Variants in PCDHA11 observed in about 807,000 individuals in gnomAD.
The protein encoded by PCDHA11 is protocadherin alpha 11.
PCDHA11 carries 61 observed loss-of-function variants against 70.3 expected under a neutral mutation model. The ratio of observed to expected loss-of-function variants is 0.87; its 90% CI spans 0.71 to 1.07. The LOEUF (loss-of-function observed/expected upper bound fraction) is 1.07, where lower values mean the gene tolerates loss of function less well. PCDHA11 is among the 50% of genes least tolerant of loss of function. The pLI, the probability that PCDHA11 is intolerant of heterozygous loss-of-function variation, is 0.00. For synonymous variants in PCDHA11, 633 were observed against 555.1 expected, an observed-to-expected ratio of 1.14 and a Z score of -1.97; for missense variants, 1,324 against 1,237.5, an observed-to-expected ratio of 1.07 and a Z score of -1.05.
At chr5:140,892,702 A>G (rs1391662001) in intron 1 of PCDHA11, among the ~76,000 whole-genome samples, 1 of 152,240 alleles carries the variant, frequency 6.6e-6, no homozygotes, top group Admixed American at 6.5e-5. Flanking sequence ...AAATCAGGGT[A>G]ATTAGCATAT....
At chr5:140,881,944 A>C in intron 1 of PCDHA11, 1 of 302,118 alleles carries the variant, frequency 3.3e-6, no homozygotes, top group East Asian at 5.9e-5. Flanking sequence ...GTTTCTGGGA[A>C]GGTAAACATT....
At position 140,928,565 on chromosome 5, in the gene PCDHA11, C is replaced by T. The variant is rs1227327620; in HGVS notation, c.2392-50384C>T. 2.5e-6 allele frequency: 4 copies of T among 1,614,038 alleles called. No individual in the cohort carries two copies. The highest frequency in any genetic ancestry group is 3.4e-6 in the Non-Finnish European group (4 of 1,180,038). On this transcript the variant is annotated intron_variant, in intron 1 of 3. Transcript: ENST00000398640. Reference sequence around the variant, plus strand: ...GACAATTATCCGGTTATCTTGTTTCCCTTGCCCAGAAATGGTTCTGTCCCA... The same window carrying T: ...GACAATTATCCGGTTATCTTGTTTCTCTTGCCCAGAAATGGTTCTGTCCCA...
chr5:140,934,534 G>A (rs1248269957), intron 1 of PCDHA11, among the ~76,000 whole-genome samples: 1 of 152,062 alleles, frequency 6.6e-6, no homozygotes, highest in Admixed American at 6.6e-5. Flanking sequence ...GAGAGCTACC[G>A]TTCTAATTCT....
chr5:140,924,057 T>C (rs1337031156), intron 1 of PCDHA11, among the ~76,000 whole-genome samples: 2 of 152,258 alleles, frequency 1.3e-5, no homozygotes, highest in Non-Finnish European at 2.9e-5. Context: ...GGTACATCTT[T>C]ACAGTTGTAT....
chr5:140,985,401 C>T (rs2097150530), intron 3 of PCDHA11, among the ~76,000 whole-genome samples: 1 of 152,108 alleles, frequency 6.6e-6, no homozygotes, highest in Non-Finnish European at 1.5e-5. Flanking sequence ...CCAACTGTTC[C>T]CCTGGAAATG....
At chr5:140,954,526 G>A (rs2095049912) in intron 1 of PCDHA11, among the ~76,000 whole-genome samples, 1 of 152,184 alleles carries the variant, frequency 6.6e-6, no homozygotes, top group Admixed American at 6.5e-5. Flanking sequence ...GATCAGTGAT[G>A]TTGAGGTTTT....
Position 140,871,493 on chromosome 5 carries a change from A to G in PCDHA11, c.2390A>G (p.Gln797Arg), listed in dbSNP as rs968230550. 7 of 1,589,034 alleles carry G rather than the reference A, an allele frequency of 4.4e-6. No homozygotes were observed. Among genetic ancestry groups the G allele is most frequent in the Non-Finnish European group, 6.0e-6 (7 of 1,166,200 alleles). Reference sequence around the variant, plus strand: ...GAGCCAGGGTCAAATCACCCCGGACAGGTGAGTTTTCTACAGATTCCACCT... The same window carrying G: ...GAGCCAGGGTCAAATCACCCCGGACGGGTGAGTTTTCTACAGATTCCACCT... ...RQEPGSNHPGQPRQPNPDWRY... is the reference protein window; with the variant it reads ...RQEPGSNHPGRPRQPNPDWRY... The change falls in exon 1 of 4, where the codon CAG becomes CGG. Residue 797 changes from glutamine (Q) to arginine (R), a missense_variant and splice_region_variant. Coordinates refer to ENST00000398640, the MANE Select transcript of PCDHA11 (RefSeq NM_018902.5).
chr5:140,932,710 C>T (rs2088563538), intron 1 of PCDHA11, among the ~76,000 whole-genome samples: 1 of 151,522 alleles, frequency 6.6e-6, no homozygotes, highest in African/African-American at 2.4e-5. Context: ...ATAGACAACA[C>T]AATAATATTG....
chr5:140,876,553 G>A, intron 1 of PCDHA11: 2 of 1,614,216 alleles, frequency 1.2e-6, no homozygotes, highest in African/African-American at 2.7e-5. Context: ...CCCTGTGCAA[G>A]AGGATGCTCA....
At chr5:140,926,719 A>G (rs1315762828) in intron 1 of PCDHA11, 38 of 986,432 alleles carry the variant, frequency 3.9e-5, no homozygotes, top group Non-Finnish European at 4.4e-5. Flanking sequence ...AGCCCCGGCA[A>G]TGCCGGCGTT....
chr5:140,927,897 T>A, intron 1 of PCDHA11: 1 of 1,614,204 alleles, frequency 6.2e-7, no homozygotes, highest in African/African-American at 1.3e-5. Flanking sequence ...ACGTGAACGA[T>A]CATGCCCCCG....
In PCDHA11 at chr5:140,871,361, G is replaced by C. The variant is rs1554165481; in HGVS notation, c.2258G>C (p.Arg753Thr). The change falls in exon 1 of 4, where the codon AGG becomes ACG. Residue 753 changes from arginine to threonine, a missense_variant. Arg to Thr is a moderately conservative substitution (Grantham distance 71). Coordinates refer to ENST00000398640, the MANE Select transcript of PCDHA11 (RefSeq NM_018902.5). ...GGGAGCTGGTCATACTCGCAGCAGA[G>C]GCGGCAGAGGGTGTGCTCTGAGGAG... ...AVGSWSYSQQ[R>T]RQRVCSEEGP... 4 of 1,614,220 alleles carry C rather than the reference G, an allele frequency of 2.5e-6. No individual in the cohort carries two copies. Among genetic ancestry groups the C allele is most frequent in the South Asian group, 2.2e-5 (2 of 91,092 alleles).
At chr5:140,919,614 T>C (rs1186816141) in intron 1 of PCDHA11, among the ~76,000 whole-genome samples, 1 of 152,212 alleles carries the variant, frequency 6.6e-6, no homozygotes, top group Non-Finnish European at 1.5e-5. Flanking sequence ...TTAAACTGTA[T>C]CTTTTGAGTT....
chr5:140,888,583 G>C (rs2061886743), intron 1 of PCDHA11, among the ~76,000 whole-genome samples: 1 of 152,184 alleles, frequency 6.6e-6, no homozygotes, highest in African/African-American at 2.4e-5. Flanking sequence ...AGATTTGTTA[G>C]TACACATTCA....
intron 1 of PCDHA11, chr5:140,875,431 T>C (rs1554167634): frequency 1.3e-6 from 2 of 1,558,558 alleles, no homozygotes. Context: ...AAGCGATCCC[T>C]TAAAACTGAT....
At chr5:140,871,596 C>A in intron 1 of PCDHA11, 102 bp downstream of exon 1, 1 of 1,453,960 alleles carries the variant, frequency 6.9e-7, no homozygotes. Context: ...TATGAATAAC[C>A]AGTGTTTTGA....
intron 1 of PCDHA11, among the ~76,000 whole-genome samples, chr5:140,945,632 A>G (rs1258111936): frequency 6.6e-6 from 1 of 152,168 alleles, no homozygotes; most frequent in African/African-American, 2.4e-5. Flanking sequence ...GGCATAAAAG[A>G]CATGTAGACC....
intron 1 of PCDHA11, among the ~76,000 whole-genome samples, chr5:140,893,868 AGATC>A (rs1369386852): frequency 1.3e-5 from 2 of 152,168 alleles, no homozygotes; most frequent in Non-Finnish European, 2.9e-5. Context: ...GAAACAACCC[AGATC>A]CAAAGTGGCC....
chr5:140,933,270 C>T (rs1388946153), intron 1 of PCDHA11, among the ~76,000 whole-genome samples: 1 of 151,842 alleles, frequency 6.6e-6, no homozygotes, highest in African/African-American at 2.4e-5. Context: ...ATTATATATT[C>T]ATTTGGAACT....
Sources: gnomAD v4.1 joint callset for allele counts (sites outside exome capture counted in the v4.1 genomes callset) on GRCh38, gnomAD v4.1.1 for gene constraint, MANE v1.5 for transcripts, NCBI Gene and HGNC (gene_info 2026-07-23, HGNC 2026-07-21) for gene names.